TNFSF4: variants seen among roughly 807,000 people sequenced by gnomAD.
TNFSF4 encodes tumor necrosis factor ligand superfamily member 4.
A neutral mutation model predicts 7.3 loss-of-function variants in TNFSF4; 4 were observed. That is an observed-to-expected ratio of 0.55 (90% CI 0.27 to 1.25). TNFSF4 has a LOEUF of 1.25. TNFSF4 is among the 50% of genes most tolerant of loss of function. The pLI, the probability that TNFSF4 is intolerant of heterozygous loss-of-function variation, is 0.12. For missense variants in TNFSF4, 181 were observed against 208.8 expected (o/e 0.87, Z 0.82); for synonymous variants, 76 against 83.7 (o/e 0.91, Z 0.50).
chr1:173,312,879 G>C, the TNFSF4 span, among the ~76,000 whole-genome samples: 2 of 152,076 alleles, frequency 1.3e-5, no homozygotes, highest in Admixed American at 6.6e-5. Context: ...CTGAGGCTTG[G>C]AGACACCAAC....
At chr1:173,382,874 TCACACACACA>T in the TNFSF4 span, among the ~76,000 whole-genome samples, 2 of 91,278 alleles carry the variant, frequency 2.2e-5, no homozygotes, top group African/African-American at 4.8e-5. Flanking sequence ...TTTACTGTTT[TCACACACACA>T]CACACACACA....
At chr1:173,232,058 C>A in the TNFSF4 span, among the ~76,000 whole-genome samples, 8 of 152,088 alleles carry the variant, frequency 5.3e-5, no homozygotes, top group African/African-American at 1.9e-4. Flanking sequence ...TTACCCTGGG[C>A]AGTATGGCCA....
the TNFSF4 span, among the ~76,000 whole-genome samples, chr1:173,376,888 C>T: frequency 6.6e-6 from 1 of 152,160 alleles, no homozygotes; most frequent in African/African-American, 2.4e-5. Context: ...TGGCTTCATT[C>T]CTGAAGTCAG....
the TNFSF4 span, among the ~76,000 whole-genome samples, chr1:173,355,975 TG>T: frequency 5.3e-5 from 8 of 152,236 alleles, no homozygotes; most frequent in African/African-American, 1.9e-4. Context: ...AATTCAAAAT[TG>T]ATCTATGACC....
the TNFSF4 span, among the ~76,000 whole-genome samples, chr1:173,289,243 C>T: frequency 6.0e-5 from 9 of 150,686 alleles, no homozygotes; most frequent in South Asian, 2.1e-4. Context: ...GATGGCATAA[C>T]GTGAGGCCAA....
At chr1:173,200,211 T>C (rs935280029) in intron 1 of TNFSF4, among the ~76,000 whole-genome samples, 3 of 152,210 alleles carry the variant, frequency 2.0e-5, no homozygotes, top group African/African-American at 7.2e-5. Context: ...TAACAGAAGA[T>C]AGGACTGGAA....
At chr1:173,296,933 G>C in the TNFSF4 span, among the ~76,000 whole-genome samples, 1 of 151,914 alleles carries the variant, frequency 6.6e-6, no homozygotes, top group African/African-American at 2.4e-5. Context: ...GTCCCAGGTA[G>C]ACAGTGCCCA....
the TNFSF4 span, among the ~76,000 whole-genome samples, chr1:173,324,844 G>T: frequency 2.6e-5 from 4 of 152,110 alleles, no homozygotes; most frequent in African/African-American, 9.7e-5. Flanking sequence ...CCCAATACAG[G>T]AGCACCCAGA....
chr1:173,282,605 T>A, the TNFSF4 span, among the ~76,000 whole-genome samples: 9 of 152,080 alleles, frequency 5.9e-5, no homozygotes, highest in African/African-American at 2.2e-4. Context: ...ATTACAGGCA[T>A]GTGCCACCAT....
At chr1:173,217,308 C>T in the TNFSF4 span, among the ~76,000 whole-genome samples, 1 of 152,134 alleles carries the variant, frequency 6.6e-6, no homozygotes, top group Non-Finnish European at 1.5e-5. Flanking sequence ...TCCTTCTTTC[C>T]TTCTGCCCCT....
the TNFSF4 span, among the ~76,000 whole-genome samples, chr1:173,308,285 C>CTCTGTGTGTGTGTG: frequency 6.7e-5 from 9 of 135,124 alleles, no homozygotes; most frequent in East Asian, 4.2e-4. Context: ...CTCTCTCTCT[C>CTCTGTGTGTGTGTG]TGTGTGTGTG....
chr1:173,179,046 G>A (rs1359400369), downstream of TNFSF4, among the ~76,000 whole-genome samples: 1 of 152,156 alleles, frequency 6.6e-6, no homozygotes, highest in Non-Finnish European at 1.5e-5. Flanking sequence ...TCTCAAAAAG[G>A]AACCAGCTCT....
upstream of TNFSF4, among the ~76,000 whole-genome samples, chr1:173,207,671 G>C (rs555562529): frequency 6.6e-6 from 1 of 152,106 alleles, no homozygotes; most frequent in Non-Finnish European, 1.5e-5. Flanking sequence ...GCTGGCCCAA[G>C]GTTCTTATCT....
the TNFSF4 span, among the ~76,000 whole-genome samples, chr1:173,308,285 C>CTCTCTCTCTCTCTGTG: frequency 1.2e-4 from 16 of 135,124 alleles, no homozygotes; most frequent in African/African-American, 4.3e-4. Flanking sequence ...CTCTCTCTCT[C>CTCTCTCTCTCTCTGTG]TGTGTGTGTG....
At chr1:173,320,145 AG>A in the TNFSF4 span, among the ~76,000 whole-genome samples, 1 of 152,202 alleles carries the variant, frequency 6.6e-6, no homozygotes, top group African/African-American at 2.4e-5. Context: ...CAATCAAGCC[AG>A]CTTCATCCTT....
the TNFSF4 span, among the ~76,000 whole-genome samples, chr1:173,276,467 A>G: frequency 2.6e-5 from 4 of 152,080 alleles, no homozygotes; most frequent in Non-Finnish European, 5.9e-5. Flanking sequence ...ATCTTGTCCA[A>G]GGGAAAAGCA....
At chr1:173,347,280 T>C in the TNFSF4 span, among the ~76,000 whole-genome samples, 1 of 152,250 alleles carries the variant, frequency 6.6e-6, no homozygotes, top group East Asian at 1.9e-4. Flanking sequence ...AAAATTCTTA[T>C]GGATATCTCA....
At chr1:173,272,337 G>A in the TNFSF4 span, among the ~76,000 whole-genome samples, 1 of 151,934 alleles carries the variant, frequency 6.6e-6, no homozygotes, top group Non-Finnish European at 1.5e-5. Context: ...AGAACTTAAA[G>A]TATAATAATA....
At chr1:173,173,637 T>A in the TNFSF4 span, among the ~76,000 whole-genome samples, 4 of 152,230 alleles carry the variant, frequency 2.6e-5, no homozygotes, top group Non-Finnish European at 5.9e-5. Flanking sequence ...TTCTGTACAC[T>A]CGCAGGCCCA....
Sources: gnomAD v4.1 joint callset for allele counts (sites outside exome capture counted in the v4.1 genomes callset) on GRCh38, gnomAD v4.1.1 for gene constraint, MANE v1.5 for transcripts, NCBI Gene and HGNC (gene_info 2026-07-23, HGNC 2026-07-21) for gene names.